The following MALRD1 variants were observed in gnomAD, a reference collection of about 807,000 sequenced individuals.
The protein encoded by MALRD1 is MAM and LDL receptor class A domain containing 1.
MALRD1 carries 247 observed loss-of-function variants against 242.1 expected under a neutral mutation model. The observed-to-expected ratio is 1.02, with a 90% confidence interval of 0.92 to 1.13. The LOEUF is 1.13. Among genes scored for constraint, MALRD1 ranks in the 50% most tolerant of loss-of-function variants. MALRD1 has a pLI of 0.00. For synonymous variants in MALRD1, 995 were observed against 866.6 expected (o/e 1.15, Z -2.60); for missense variants, 2,989 against 2,533.1 (o/e 1.18, Z -3.86).
At chr10:19,633,651 T>C (rs1429310189) in intron 36 of MALRD1, 1 of 151,972 alleles carries the variant, frequency 6.6e-6, no homozygotes, top group South Asian at 2.1e-4. Flanking sequence ...CCAAAAAGCC[T>C]TGTGAAAAAA....
chr10:19,237,664 AT>A (rs1377427763), intron 18 of MALRD1, among the ~76,000 whole-genome samples: 8 of 101,100 alleles, frequency 7.9e-5, no homozygotes, highest in Admixed American at 2.9e-4. Context: ...TTATATATAA[AT>A]TATATAATTA....
At chr10:19,175,404 T>C in intron 14 of MALRD1, 76 bp downstream of exon 14, 1 of 1,125,500 alleles carries the variant, frequency 8.9e-7, no homozygotes, top group Non-Finnish European at 1.1e-6. Context: ...ATAAAATGTA[T>C]TAGAGTCACG....
At chr10:19,391,125 A>T (rs1214376538) in intron 28 of MALRD1, among the ~76,000 whole-genome samples, 1 of 152,178 alleles carries the variant, frequency 6.6e-6, no homozygotes, top group African/African-American at 2.4e-5. Flanking sequence ...CCATTTTGCG[A>T]TATTAGTCTT....
intron 13 of MALRD1, among the ~76,000 whole-genome samples, chr10:19,171,891 T>G (rs1165149974): frequency 7.1e-6 from 1 of 141,804 alleles, no homozygotes; most frequent in Non-Finnish European, 1.5e-5. Flanking sequence ...CGTATATATA[T>G]GATATATATC....
intron 1 of MALRD1, among the ~76,000 whole-genome samples, chr10:19,049,730 C>G (rs1165945551): frequency 6.6e-6 from 1 of 152,148 alleles, no homozygotes; most frequent in Non-Finnish European, 1.5e-5. Flanking sequence ...TGATTTTGAA[C>G]TTTATTTTAT....
intron 5 of MALRD1, among the ~76,000 whole-genome samples, chr10:19,111,479 A>T (rs1836678802): frequency 6.6e-6 from 1 of 152,172 alleles, no homozygotes; most frequent in Non-Finnish European, 1.5e-5. Flanking sequence ...TTGGGACTGG[A>T]GAGGAGGACT....
In MALRD1 at chr10:19,707,427, G is replaced by A. The variant is rs148688490; in HGVS notation, c.6314+14873G>A. Reference sequence around the variant, plus strand: ...CTAGGGCCCTAACTGATACGAACAAGGCAAGTGCTCTAAACAGAAGAAGAC... The same window carrying A: ...CTAGGGCCCTAACTGATACGAACAAAGCAAGTGCTCTAAACAGAAGAAGAC... On this transcript the variant is annotated intron_variant, in intron 38 of 39. Transcript: ENST00000454679. Among the ~76,000 whole-genome samples the A allele has an allele frequency of 5.3e-3, 806 of 152,290 alleles. 12 individuals are homozygous for A. Among genetic ancestry groups the A allele is most frequent in the East Asian group, 0.024 (123 of 5,182 alleles).
intron 14 of MALRD1, among the ~76,000 whole-genome samples, chr10:19,176,824 G>A (rs923621771): frequency 2.6e-5 from 4 of 151,162 alleles, no homozygotes; most frequent in Non-Finnish European, 5.9e-5. Context: ...GTGTGTCTGT[G>A]TGTGTGTGCA....
intron 36 of MALRD1, among the ~76,000 whole-genome samples, chr10:19,668,426 C>G (rs1240682563): frequency 6.6e-6 from 1 of 152,080 alleles, no homozygotes; most frequent in Non-Finnish European, 1.5e-5. Flanking sequence ...CAATCCAGCC[C>G]ACGCTAGACA....
At chr10:19,128,106 T>G (rs1235148337) in intron 7 of MALRD1, 115 bp from the exon 8 acceptor site, 2 of 653,302 alleles carry the variant, frequency 3.1e-6, no homozygotes. Context: ...TCCTTTTAAG[T>G]AAAATATTTG....
intron 32 of MALRD1, among the ~76,000 whole-genome samples, chr10:19,545,796 G>A (rs377461790): frequency 2.6e-5 from 4 of 152,104 alleles, no homozygotes; most frequent in Admixed American, 6.6e-5. Flanking sequence ...GTAAATTCAC[G>A]ACGTTTTCAG....
intron 2 of MALRD1, among the ~76,000 whole-genome samples, chr10:19,078,728 T>C (rs2131273805): frequency 6.6e-6 from 1 of 151,978 alleles, no homozygotes; most frequent in African/African-American, 2.4e-5. Flanking sequence ...TTATTTCTTC[T>C]TGAATTGGCT....
chr10:19,209,795 T>A, intron 18 of MALRD1, 115 bp downstream of exon 18: 1 of 965,354 alleles, frequency 1.0e-6, no homozygotes, highest in Non-Finnish European at 1.5e-6. Flanking sequence ...AAAGTTACAT[T>A]GAGACACATT....
chr10:19,225,510 A>G (rs1181684836), intron 18 of MALRD1, among the ~76,000 whole-genome samples: 1 of 143,166 alleles, frequency 7.0e-6, no homozygotes, highest in Non-Finnish European at 1.5e-5. Flanking sequence ...TGTTAATGTT[A>G]TATATATATT....
intron 36 of MALRD1, among the ~76,000 whole-genome samples, chr10:19,657,056 C>G (rs2131722984): frequency 6.6e-6 from 1 of 152,238 alleles, no homozygotes; most frequent in Admixed American, 6.5e-5. Flanking sequence ...ATCCTTCCCT[C>G]CATCCACCAA....
chr10:19,483,206 G>GA (rs34970025), intron 29 of MALRD1, among the ~76,000 whole-genome samples: 17 of 148,626 alleles, frequency 1.1e-4, no homozygotes, highest in South Asian at 2.1e-4. Flanking sequence ...AAGAATCCTA[G>GA]AAAAAAAAAA....
At chr10:19,521,310 C>T (rs1833872423) in intron 31 of MALRD1, among the ~76,000 whole-genome samples, 1 of 152,050 alleles carries the variant, frequency 6.6e-6, no homozygotes. Flanking sequence ...TAATTTATTT[C>T]CTTGAGTGTC....
intron 36 of MALRD1, among the ~76,000 whole-genome samples, chr10:19,619,476 A>G (rs979276551): frequency 6.6e-6 from 1 of 152,028 alleles, no homozygotes; most frequent in Non-Finnish European, 1.5e-5. Context: ...ACTTTTTACT[A>G]GTTTTTATTT....
chr10:19,217,175 A>T (rs1211005346), intron 18 of MALRD1, among the ~76,000 whole-genome samples: 1 of 152,124 alleles, frequency 6.6e-6, no homozygotes, highest in Non-Finnish European at 1.5e-5. Flanking sequence ...ACCTGGTCTT[A>T]GTATTTTATT....
Sources: allele counts gnomAD v4.1 joint callset (sites outside exome capture counted in the v4.1 genomes callset), GRCh38; gene constraint gnomAD v4.1.1; transcripts MANE v1.5; gene names NCBI Gene and HGNC (gene_info 2026-07-23, HGNC 2026-07-21).